The following CADPS2 variants were observed in gnomAD, a reference collection of about 807,000 sequenced individuals.
The protein encoded by CADPS2 is calcium dependent secretion activator 2, also known as calcium-dependent secretion activator 2.
In CADPS2, 93 loss-of-function variants were observed where a neutral mutation model predicts 172.5. That is an observed-to-expected ratio of 0.54 (90% CI 0.46 to 0.64). CADPS2 has a LOEUF of 0.64. CADPS2 is among the 30% of genes least tolerant of loss of function. CADPS2 has a pLI of 0.00. For synonymous variants in CADPS2, 546 were observed against 555.2 expected (o/e 0.98, Z 0.23); for missense variants, 1,420 against 1,565.9 (o/e 0.91, Z 1.57).
chr7:122,550,861 A>G (rs1226876622), intron 8 of CADPS2, among the ~76,000 whole-genome samples: 1 of 152,188 alleles, frequency 6.6e-6, no homozygotes, highest in Non-Finnish European at 1.5e-5. Flanking sequence ...CAATAGATTT[A>G]TCTAAGGGTT....
chr7:122,541,831 T>TA (rs1563648689), intron 8 of CADPS2, among the ~76,000 whole-genome samples: 1 of 108,224 alleles, frequency 9.2e-6, no homozygotes, highest in African/African-American at 3.8e-5. Flanking sequence ...GTTTATATAT[T>TA]CATATGTTTA....
chr7:122,404,419 T>A (rs1028633685), intron 20 of CADPS2, among the ~76,000 whole-genome samples: 1 of 152,168 alleles, frequency 6.6e-6, no homozygotes, highest in Admixed American at 6.5e-5. Flanking sequence ...TGGTTCCAAG[T>A]CTTTGCTATT....
chr7:122,417,728 T>C (rs2048093785), intron 17 of CADPS2, among the ~76,000 whole-genome samples: 1 of 152,098 alleles, frequency 6.6e-6, no homozygotes, highest in South Asian at 2.1e-4. Flanking sequence ...GGCAAACCTA[T>C]TGGTGATGCA....
intron 1 of CADPS2, among the ~76,000 whole-genome samples, chr7:122,771,248 C>T (rs962335): frequency 0.44 from 66,239 of 152,014 alleles, 16,934 homozygotes; most frequent in African/African-American, 0.72. Flanking sequence ...TTGAAAGTCA[C>T]TGAAGGATTT....
At chr7:122,557,050 C>G (rs2065119391) in intron 7 of CADPS2, among the ~76,000 whole-genome samples, 1 of 152,064 alleles carries the variant, frequency 6.6e-6, no homozygotes, top group Admixed American at 6.6e-5. Context: ...TTTTTCTGGA[C>G]AGACTGACTG....
chr7:122,729,846 T>C (rs1386134613), intron 2 of CADPS2, among the ~76,000 whole-genome samples: 1 of 151,700 alleles, frequency 6.6e-6, no homozygotes. Context: ...GAGGTACTAA[T>C]ACACGAGGGG....
At position 122,535,760 on chromosome 7, in the gene CADPS2, G is replaced by A. The variant is rs183929975; in HGVS notation, c.1475+18790C>T. ...AATGGCAAGAGTTGTAGATTGATGGGATGATATACTGAGCCCCACATCAGT... is the reference window on the plus strand; with the variant it reads ...AATGGCAAGAGTTGTAGATTGATGGAATGATATACTGAGCCCCACATCAGT... On this transcript the variant is annotated intron_variant, in intron 8 of 29. Coordinates refer to ENST00000449022, the MANE Select transcript of CADPS2 (RefSeq NM_017954.11). 1.8e-4 allele frequency among the ~76,000 whole-genome samples: 28 copies of A among 152,130 alleles called. No homozygotes were observed. In the East Asian group the frequency reaches 5.2e-3, roughly 28 times the overall value.
At chr7:122,800,817 C>G (rs1589276940) in intron 1 of CADPS2, among the ~76,000 whole-genome samples, 2 of 151,882 alleles carry the variant, frequency 1.3e-5, no homozygotes, top group Admixed American at 1.3e-4. Flanking sequence ...ATGGTAAAAC[C>G]CTGTCTCTAC....
chr7:122,613,094 A>G (rs551147338), intron 6 of CADPS2, among the ~76,000 whole-genome samples: 1 of 152,262 alleles, frequency 6.6e-6, no homozygotes, highest in East Asian at 1.9e-4. Flanking sequence ...CTCAGGAGAA[A>G]GCACAGAGCT....
chr7:122,347,202 TG>T (rs138161043), intron 27 of CADPS2, among the ~76,000 whole-genome samples: 2,293 of 152,226 alleles, frequency 0.015, 29 homozygotes, highest in Non-Finnish European at 0.024. Flanking sequence ...TTACCATTGC[TG>T]GAAAAAACAA....
intron 7 of CADPS2, among the ~76,000 whole-genome samples, chr7:122,559,719 C>T (rs1279638457): frequency 4.9e-5 from 7 of 143,682 alleles, no homozygotes; most frequent in Non-Finnish European, 9.0e-5. Context: ...TGCAGTGAGC[C>T]GAGACTGTGC....
intron 28 of CADPS2, among the ~76,000 whole-genome samples, chr7:122,337,670 CTT>C (rs1247496840): frequency 6.7e-6 from 1 of 150,248 alleles, no homozygotes; most frequent in African/African-American, 2.5e-5. Context: ...CAAATAATAA[CTT>C]AACATTACAA....
At chr7:122,422,343 C>A (rs2048619717) in intron 17 of CADPS2, among the ~76,000 whole-genome samples, 1 of 152,118 alleles carries the variant, frequency 6.6e-6, no homozygotes, top group Non-Finnish European at 1.5e-5. Context: ...CTACGTGGAA[C>A]CCCAAATGTC....
In CADPS2 at chr7:122,319,917, C is replaced by T. The variant is rs560742842; in HGVS notation, c.*248G>A. 2.2e-5 allele frequency: 8 copies of T among 363,844 alleles called. No homozygotes were observed. The highest frequency in any genetic ancestry group is 1.5e-4 in the African/African-American group (7 of 47,626). The allele number at this position is 363,844 out of a possible 1,614,324, so 22.5% of individuals were successfully genotyped here. A position where few individuals can be genotyped will look rare whatever the true frequency, so the allele number is the denominator to read the frequency against. ...GCAGAGCCAAGGTTCATTTTTAGGT[C>T]AAACTACACAAAAGAGGATGCTCTT... On this transcript the variant is annotated 3_prime_UTR_variant, in exon 30 of 30. Coordinates refer to ENST00000449022, the MANE Select transcript of CADPS2 (RefSeq NM_017954.11).
chr7:122,529,053 T>C (rs2061526413), intron 8 of CADPS2, among the ~76,000 whole-genome samples: 1 of 152,122 alleles, frequency 6.6e-6, no homozygotes, highest in Non-Finnish European at 1.5e-5. Flanking sequence ...GGGGGAATGT[T>C]TGCGCCATCT....
intron 20 of CADPS2, among the ~76,000 whole-genome samples, chr7:122,403,788 TCATTGTAGATGAATGAATATTC>T (rs1331110963): frequency 6.6e-6 from 1 of 151,532 alleles, no homozygotes; most frequent in East Asian, 1.9e-4. Context: ...GTAATTCCAT[TCATTGTAGATGAATGAATATTC>T]CATTGTAGAT....
chr7:122,322,171 T>G (rs2032701627), intron 29 of CADPS2, among the ~76,000 whole-genome samples: 1 of 152,230 alleles, frequency 6.6e-6, no homozygotes, highest in Non-Finnish European at 1.5e-5. Flanking sequence ...CACCTACAGA[T>G]GATGCATCTA....
At chr7:122,655,133 G>C (rs1588159057) in intron 3 of CADPS2, among the ~76,000 whole-genome samples, 1 of 152,324 alleles carries the variant, frequency 6.6e-6, no homozygotes, top group East Asian at 1.9e-4. Context: ...AGAAAGTTGT[G>C]TCTTGAAGTG....
At chr7:122,644,891 T>C (rs2078132663) in intron 3 of CADPS2, among the ~76,000 whole-genome samples, 3 of 152,116 alleles carry the variant, frequency 2.0e-5, no homozygotes, top group East Asian at 3.9e-4. Flanking sequence ...ATAGCTACCT[T>C]CTAAATTATG....
Sources: gnomAD v4.1 joint callset for allele counts (sites outside exome capture counted in the v4.1 genomes callset) on GRCh38, gnomAD v4.1.1 for gene constraint, MANE v1.5 for transcripts, NCBI Gene and HGNC (gene_info 2026-07-23, HGNC 2026-07-21) for gene names.